B3GNT2: variants seen among roughly 807,000 people sequenced by gnomAD.
B3GNT2 encodes N-acetyllactosaminide beta-1,3-N-acetylglucosaminyltransferase 2.
In B3GNT2, 12 loss-of-function variants were observed where a neutral mutation model predicts 27.6. That is an observed-to-expected ratio of 0.44 (90% CI 0.28 to 0.71). B3GNT2 has a LOEUF of 0.71. Among genes scored for constraint, B3GNT2 ranks in the 30% least tolerant of loss-of-function variants. B3GNT2 has a pLI of 0.17. For synonymous variants in B3GNT2, 192 were observed against 189.7 expected (o/e 1.01, Z -0.10); for missense variants, 413 against 488.5 (o/e 0.85, Z 1.46).
chr2:62,214,433 G>A (rs947019687), intron 1 of B3GNT2, among the ~76,000 whole-genome samples: 1 of 152,186 alleles, frequency 6.6e-6, no homozygotes, highest in Non-Finnish European at 1.5e-5. Context: ...AAGGTAATGT[G>A]GGGTTTTCAC....
intron 1 of B3GNT2, among the ~76,000 whole-genome samples, chr2:62,197,370 C>T (rs1674174053): frequency 6.6e-6 from 1 of 152,216 alleles, no homozygotes; most frequent in Admixed American, 6.5e-5. Context: ...TCGGGAGACT[C>T]CCCACAAGTG....
At chr2:62,213,984 G>A (rs960282397) in intron 1 of B3GNT2, among the ~76,000 whole-genome samples, 2 of 152,174 alleles carry the variant, frequency 1.3e-5, no homozygotes, top group African/African-American at 4.8e-5. Context: ...GACCTTGACT[G>A]CGGAGGGTTC....
chr2:62,222,922 C>T lies in B3GNT2; in HGVS notation c.702C>T (p.Ser234=), dbSNP rs765927914. The part of the protein sequence containing the change: ...EVLFLRWVST[S]CPDTEFVFKG... ...TGTTTCTCAGGTGGGTAAGTACTTCCTGCCCAGACACTGAGTTTGTTTTCA... is the reference window on the plus strand; with the variant it reads ...TGTTTCTCAGGTGGGTAAGTACTTCTTGCCCAGACACTGAGTTTGTTTTCA... Residue 234 remains serine (S), a synonymous_variant, in exon 2 of 2, where the codon TCC becomes TCT. Coordinates refer to ENST00000301998, the MANE Select transcript of B3GNT2 (RefSeq NM_006577.6). This position sits in a 1 kb window ranked among gnomAD's most constrained non-coding sequence, Gnocchi z 4.2. 2 of 1,614,176 alleles carry T rather than the reference C, an allele frequency of 1.2e-6. No individual in the cohort carries two copies. The highest frequency in any genetic ancestry group is 3.3e-5 in the Admixed American group (2 of 60,036).
intron 1 of B3GNT2, among the ~76,000 whole-genome samples, chr2:62,202,334 A>AAGGAAGG (rs2104184991): frequency 6.6e-6 from 1 of 152,330 alleles, no homozygotes; most frequent in Non-Finnish European, 1.5e-5. Context: ...GAGGCAGAGA[A>AAGGAAGG]AGGAAGGTAG....
chr2:62,223,980 G>T lies in B3GNT2; in HGVS notation c.*566G>T, dbSNP rs150012028. The T allele has an allele frequency of 3.0e-5, 5 of 167,136 alleles. No homozygotes were observed. Among genetic ancestry groups the T allele is most frequent in the Non-Finnish European group, 5.9e-5 (4 of 68,260 alleles). The allele number at this position is 167,136 out of a possible 1,614,324, so 10.4% of individuals were successfully genotyped here. A position where few individuals can be genotyped will look rare whatever the true frequency, so the allele number is the denominator to read the frequency against. On this transcript the variant is annotated 3_prime_UTR_variant, in exon 2 of 2. Coordinates refer to ENST00000301998, the MANE Select transcript of B3GNT2 (RefSeq NM_006577.6). The stretch of plus-strand genomic sequence containing the variant: ...CCTGCCACCCCAACAGTATTTTTGT[G>T]TGTTAATTAATTTTGCAAAATGAGA...
chr2:62,210,738 C>A (rs1674466835), intron 1 of B3GNT2, among the ~76,000 whole-genome samples: 1 of 151,380 alleles, frequency 6.6e-6, no homozygotes, highest in Non-Finnish European at 1.5e-5. Flanking sequence ...CCACTGACTC[C>A]AGCCTGGATG....
In B3GNT2 at chr2:62,223,597, A is replaced by T. The variant is rs1674766586; in HGVS notation, c.*183A>T. 1 of 542,668 alleles carries T rather than the reference A, an allele frequency of 1.8e-6. No individual in the cohort carries two copies. Among genetic ancestry groups the T allele is most frequent in the Non-Finnish European group, 3.3e-6 (1 of 304,816 alleles). The allele number at this position is 542,668 out of a possible 1,614,324, so 33.6% of individuals were successfully genotyped here. On this transcript the variant is annotated 3_prime_UTR_variant, in exon 2 of 2. Transcript: ENST00000301998. ...TGAAGAGGGAAAGCGGAAGATGGTA[A>T]TTTTTTTTTATGGATGATATGGCAG...
chr2:62,208,500 T>A (rs528938486), intron 1 of B3GNT2, among the ~76,000 whole-genome samples: 4 of 152,244 alleles, frequency 2.6e-5, no homozygotes, highest in South Asian at 2.1e-4. Context: ...TGTACTGCCT[T>A]GAGATGACAC....
At position 62,223,532 on chromosome 2, in the gene B3GNT2, C is replaced by A; in HGVS notation, c.*118C>A. On this transcript the variant is annotated 3_prime_UTR_variant, in exon 2 of 2. Transcript: ENST00000301998. ...TGAAAATTGCCTTTATGAGTGATAC[C>A]CATTTGAGGGCCTCTAAACCCTTCA... 1.2e-6 allele frequency: 1 copy of A among 864,822 alleles called. No individual in the cohort carries two copies. Among genetic ancestry groups the A allele is most frequent in the Non-Finnish European group, 1.8e-6 (1 of 564,108 alleles). The allele number at this position is 864,822 out of a possible 1,614,324, so 53.6% of individuals were successfully genotyped here. A position where few individuals can be genotyped will look rare whatever the true frequency, so the allele number is the denominator to read the frequency against.
chr2:62,197,586 CT>C (rs1413295679), intron 1 of B3GNT2, among the ~76,000 whole-genome samples: 1 of 152,244 alleles, frequency 6.6e-6, no homozygotes, highest in Non-Finnish European at 1.5e-5. Flanking sequence ...TTCTTTTGCC[CT>C]TCTCTTGTTG....
intron 1 of B3GNT2, among the ~76,000 whole-genome samples, chr2:62,208,963 G>A (rs545768307): frequency 6.6e-6 from 1 of 152,240 alleles, no homozygotes; most frequent in East Asian, 1.9e-4. Flanking sequence ...GGGGGCAGTG[G>A]GGTGGGAGGA....
At chr2:62,217,383 C>T (rs961621185) in intron 1 of B3GNT2, among the ~76,000 whole-genome samples, 1 of 152,188 alleles carries the variant, frequency 6.6e-6, no homozygotes, top group Non-Finnish European at 1.5e-5. Flanking sequence ...ACCCCGTGCC[C>T]CCTACCCTGT....
intron 1 of B3GNT2, among the ~76,000 whole-genome samples, chr2:62,200,605 GTTAATA>G (rs1674249197): frequency 2.6e-5 from 4 of 152,308 alleles, no homozygotes; most frequent in African/African-American, 7.2e-5. Context: ...TGTGAGAAGT[GTTAATA>G]TTAAGCATGA....
intron 1 of B3GNT2, among the ~76,000 whole-genome samples, chr2:62,211,476 G>C (rs1161948920): frequency 6.6e-6 from 1 of 152,098 alleles, no homozygotes; most frequent in Non-Finnish European, 1.5e-5. Flanking sequence ...CTGCTTTAGA[G>C]AAATTAAGTC....
intron 1 of B3GNT2, among the ~76,000 whole-genome samples, chr2:62,204,100 C>G (rs1315627823): frequency 6.6e-6 from 1 of 152,190 alleles, no homozygotes; most frequent in Admixed American, 6.5e-5. Flanking sequence ...GACCTTGGCT[C>G]ACTGCAACCT....
intron 1 of B3GNT2, among the ~76,000 whole-genome samples, chr2:62,208,992 C>A (rs1674431379): frequency 6.6e-6 from 1 of 152,048 alleles, no homozygotes; most frequent in South Asian, 2.1e-4. Context: ...CACATTGGCG[C>A]TTTTTTGGTT....
chr2:62,196,500 GT>G (rs1180096201), intron 1 of B3GNT2, 145 bp downstream of exon 1: 1 of 152,724 alleles, frequency 6.5e-6, no homozygotes, highest in Non-Finnish European at 1.5e-5. Context: ...TTCCTCGCCG[GT>G]TCCGGCTTCG....
chr2:62,205,961 A>T (rs989606616), intron 1 of B3GNT2: 11 of 154,344 alleles, frequency 7.1e-5, no homozygotes, highest in African/African-American at 2.6e-4. Context: ...GATGAAATCG[A>T]TGGACTGGGG....
At chr2:62,212,722 A>G (rs72893862) in intron 1 of B3GNT2, among the ~76,000 whole-genome samples, 1,549 of 151,966 alleles carry the variant, frequency 0.01, 26 homozygotes, top group African/African-American at 0.035. Flanking sequence ...TGCCCTACCA[A>G]ATTTTGGGAG....
Sources: gnomAD v4.1 joint callset for allele counts (sites outside exome capture counted in the v4.1 genomes callset) on GRCh38, gnomAD v4.1.1 for gene constraint, Gnocchi (gnomAD v3.1) non-coding constraint, MANE v1.5 for transcripts, NCBI Gene and HGNC (gene_info 2026-07-23, HGNC 2026-07-21) for gene names.